Variants in PGAM5 observed in about 807,000 individuals in gnomAD.
PGAM5 encodes the protein PGAM family member 5, mitochondrial serine/threonine protein phosphatase.
A neutral mutation model predicts 30.6 loss-of-function variants in PGAM5; 25 were observed. The observed-to-expected ratio is 0.82, with a 90% confidence interval of 0.60 to 1.14. The LOEUF (loss-of-function observed/expected upper bound fraction) is 1.14, where lower values mean the gene tolerates loss of function less well. PGAM5 is among the 50% of genes most tolerant of loss of function. PGAM5 has a pLI of 0.00. For synonymous variants in PGAM5, 201 were observed against 179.1 expected, an observed-to-expected ratio of 1.12 and a Z score of -0.98; for missense variants, 384 against 408.5, an observed-to-expected ratio of 0.94 and a Z score of 0.52.
At chr12:132,716,161 C>T (rs1331883331) in intron 2 of PGAM5, among the ~76,000 whole-genome samples, 1 of 152,038 alleles carries the variant, frequency 6.6e-6, no homozygotes, top group Non-Finnish European at 1.5e-5. Flanking sequence ...TCTTGGCCCG[C>T]TGCAACCTTT....
intron 2 of PGAM5, among the ~76,000 whole-genome samples, chr12:132,716,059 G>A (rs1030390850): frequency 2.0e-5 from 3 of 151,956 alleles, no homozygotes; most frequent in African/African-American, 7.3e-5. Flanking sequence ...GCGGCCTGTG[G>A]CACTCACAGG....
intron 1 of PGAM5, among the ~76,000 whole-genome samples, chr12:132,713,244 C>T (rs1026679418): frequency 6.6e-6 from 1 of 152,206 alleles, no homozygotes; most frequent in Non-Finnish European, 1.5e-5. Context: ...ATTTGCTTGT[C>T]ATGTCTGGGG....
chr12:132,718,735 C>T (rs900378207), intron 5 of PGAM5: 3 of 1,612,740 alleles, frequency 1.9e-6, no homozygotes, highest in Non-Finnish European at 2.5e-6. Context: ...CAACCACCTT[C>T]TGCCTCCGGC....
intron 1 of PGAM5, chr12:132,711,359 G>T: frequency 4.3e-6 from 1 of 231,718 alleles, no homozygotes; most frequent in East Asian, 8.5e-5. Context: ...GCCGGGGCGA[G>T]GCTGAGGTGG....
At chr12:132,719,984 T>A (rs1208948934) in intron 5 of PGAM5, among the ~76,000 whole-genome samples, 1 of 152,238 alleles carries the variant, frequency 6.6e-6, no homozygotes, top group Non-Finnish European at 1.5e-5. Context: ...AAGCAGAAAT[T>A]AAACTGTGTT....
At position 132,715,014 on chromosome 12, in the gene PGAM5, G is replaced by T; in HGVS notation, c.348G>T (p.Lys116Asn). 1 of 1,612,738 alleles carries T rather than the reference G, an allele frequency of 6.2e-7. No homozygotes were observed. The highest frequency in any genetic ancestry group is 1.7e-5 in the Admixed American group (1 of 59,934). Residue 116 changes from lysine to asparagine, a missense_variant, in exon 2 of 6, where the codon AAG (lysine) becomes AAT (asparagine). Lys to Asn is a moderately conservative substitution (Grantham distance 94). Coordinates refer to ENST00000498926, the MANE Select transcript of PGAM5 (RefSeq NM_001170543.2). ...ACCACGTGGATGGCTCCCTGGAGAA[G>T]GACCGCACTCTGACCCCGCTGGGTA... ...SQYHVDGSLEKDRTLTPLGRE... is the reference protein window; with the variant it reads ...SQYHVDGSLENDRTLTPLGRE...
rs777986060 is a variant in PGAM5, at chr12:132,714,867, A to G, written c.201A>G (p.Pro67=). The change falls in exon 2 of 6, where the codon CCA becomes CCG. Residue 67 remains proline (P), a synonymous_variant. Coordinates refer to ENST00000498926, the MANE Select transcript of PGAM5 (RefSeq NM_001170543.2). ...TGTATTTCAACATCAGGCGAGAACC[A>G]CTGTCTCTGATCAACGTGCGGAAGA... The part of the protein sequence containing the change: ...VWDPNWDRRE[P]LSLINVRKRN... The G allele has an allele frequency of 1.7e-5, 28 of 1,613,588 alleles. No homozygotes were observed. In the Admixed American group the frequency reaches 2.8e-4, roughly 16 times the overall value.
chr12:132,719,165 A>C (rs887618318), intron 5 of PGAM5: 1 of 1,239,510 alleles, frequency 8.1e-7, no homozygotes, highest in Non-Finnish European at 1.0e-6. Flanking sequence ...AATTTGAAAC[A>C]AATTTGCCTC....
Position 132,720,877 on chromosome 12 carries a change from A to G in PGAM5, c.*49A>G. ...TGTCCTCCCTGCACAGGCCGCACACACTTAACGTTTTGTTCCCAAGGAGAC... is the reference window on the plus strand; with the variant it reads ...TGTCCTCCCTGCACAGGCCGCACACGCTTAACGTTTTGTTCCCAAGGAGAC... On this transcript the variant is annotated 3_prime_UTR_variant, in exon 6 of 6. Coordinates refer to ENST00000498926, the MANE Select transcript of PGAM5 (RefSeq NM_001170543.2). The G allele has an allele frequency of 6.7e-7, 1 of 1,500,302 alleles. No homozygotes were observed. The highest frequency in any genetic ancestry group is 8.9e-7 in the Non-Finnish European group (1 of 1,124,888). The allele number at this position is 1,500,302 out of a possible 1,614,324, so 92.9% of individuals were successfully genotyped here. A position where few individuals can be genotyped will look rare whatever the true frequency, so the allele number is the denominator to read the frequency against.
At chr12:132,714,696 T>A in intron 1 of PGAM5, 162 bp from the exon 2 acceptor site, 1 of 689,658 alleles carries the variant, frequency 1.4e-6, no homozygotes. Flanking sequence ...GGAGGGAGAG[T>A]GGCGGTATGC....
chr12:132,716,313 C>T (rs2043577328), intron 2 of PGAM5, among the ~76,000 whole-genome samples: 1 of 151,952 alleles, frequency 6.6e-6, no homozygotes, highest in Non-Finnish European at 1.5e-5. Context: ...TCTCTATCTC[C>T]TGACCTTGTG....
At chr12:132,712,306 G>C (rs1018505029) in intron 1 of PGAM5, among the ~76,000 whole-genome samples, 1 of 152,208 alleles carries the variant, frequency 6.6e-6, no homozygotes, top group Non-Finnish European at 1.5e-5. Context: ...CCGTAGGCAT[G>C]TTTTGGCTGT....
intron 1 of PGAM5, among the ~76,000 whole-genome samples, chr12:132,713,337 G>A (rs1400757489): frequency 2.0e-5 from 3 of 152,180 alleles, no homozygotes; most frequent in Non-Finnish European, 4.4e-5. Context: ...CTAGAAGACA[G>A]CATGTTTCTT....
In PGAM5 at chr12:132,722,212, T is replaced by C. The variant is rs1157920567; in HGVS notation, c.*1384T>C. On this transcript the variant is annotated 3_prime_UTR_variant, in exon 6 of 6. Coordinates refer to ENST00000498926, the MANE Select transcript of PGAM5 (RefSeq NM_001170543.2). ...AGCTCAATCTTAGTTTGCCTCCAGT[T>C]AATCTTTTATGCTTAGGGATTAAAT... 6.6e-6 allele frequency: 1 copy of C among 152,026 alleles called. No individual in the cohort carries two copies. 9.4% of individuals were successfully genotyped at this position (152,026 alleles called of 1,614,324 possible).
At chr12:132,720,097 A>ACG in intron 5 of PGAM5, among the ~76,000 whole-genome samples, 1 of 152,220 alleles carries the variant, frequency 6.6e-6, no homozygotes, top group African/African-American at 2.4e-5. Context: ...GGCTCCATTC[A>ACG]TGTCGATCCC....
chr12:132,716,337 G>A (rs1013999211), intron 2 of PGAM5, among the ~76,000 whole-genome samples: 4 of 151,744 alleles, frequency 2.6e-5, no homozygotes, highest in East Asian at 3.9e-4. Context: ...CACCCGCCTC[G>A]GCCTCCCAAA....
chr12:132,719,854 G>A (rs2043625366), intron 5 of PGAM5, among the ~76,000 whole-genome samples: 1 of 152,236 alleles, frequency 6.6e-6, no homozygotes, highest in Admixed American at 6.5e-5. Flanking sequence ...TTCCGCAAAT[G>A]CGAATTGTGC....
At chr12:132,719,071 A>G in intron 5 of PGAM5, 2 of 1,411,292 alleles carry the variant, frequency 1.4e-6, no homozygotes, top group Non-Finnish European at 1.8e-6. Flanking sequence ...CAGCCACGTT[A>G]GAGGGCCCCT....
intron 5 of PGAM5, chr12:132,719,223 G>C (rs544286075): frequency 8.7e-7 from 1 of 1,143,664 alleles, no homozygotes; most frequent in Admixed American, 4.7e-5. Flanking sequence ...GCAGCTGAGG[G>C]GGCCCTCTTG....
Sources: allele counts gnomAD v4.1 joint callset (sites outside exome capture counted in the v4.1 genomes callset), GRCh38; gene constraint gnomAD v4.1.1; transcripts MANE v1.5; gene names NCBI Gene and HGNC (gene_info 2026-07-23, HGNC 2026-07-21).